Variants in KAZN observed in about 807,000 individuals in gnomAD.
KAZN encodes the protein kazrin.
A neutral mutation model predicts 87.4 loss-of-function variants in KAZN; 40 were observed. That is an observed-to-expected ratio of 0.46 (90% CI 0.36 to 0.60). KAZN has a LOEUF of 0.60. Ranked by LOEUF, KAZN falls within the 20% of genes least tolerant of loss-of-function variation. The pLI, the probability that KAZN is intolerant of heterozygous loss-of-function variation, is 0.00. For missense variants in KAZN, 898 were observed against 1,073.9 expected, an observed-to-expected ratio of 0.84 and a Z score of 2.29; for synonymous variants, 466 against 458.3, an observed-to-expected ratio of 1.02 and a Z score of -0.22.
intron 2 of KAZN, among the ~76,000 whole-genome samples, chr1:14,252,892 G>A (rs768125766): frequency 2.6e-5 from 4 of 152,080 alleles, no homozygotes; most frequent in Non-Finnish European, 5.9e-5. Context: ...TCCACTGTGC[G>A]GTTCCATCAT....
intron 2 of KAZN, among the ~76,000 whole-genome samples, chr1:14,337,762 C>T (rs375641844): frequency 1.6e-4 from 25 of 151,952 alleles, no homozygotes; most frequent in African/African-American, 4.4e-4. Context: ...GGCGTGGTGG[C>T]GCGCATCTGT....
intron 1 of KAZN, among the ~76,000 whole-genome samples, chr1:14,847,678 G>A (rs1648948364): frequency 6.6e-6 from 1 of 152,208 alleles, no homozygotes; most frequent in African/African-American, 2.4e-5. Context: ...AGCATTCCCA[G>A]TGCCTAGGAC....
rs558629954 is a variant in KAZN, at chr1:14,913,772, G to A, written c.227-46912G>A. ...GAGTTGGAGAAGCTAGGAGTCGCTCGGGCTGACGTGCCTGAGTTCTGGTGG... is the reference window on the plus strand; with the variant it reads ...GAGTTGGAGAAGCTAGGAGTCGCTCAGGCTGACGTGCCTGAGTTCTGGTGG... On this transcript the variant is annotated intron_variant, in intron 1 of 14. Transcript: ENST00000376030. Among the ~76,000 whole-genome samples, 14 of 152,344 alleles carry A rather than the reference G, an allele frequency of 9.2e-5. No homozygotes were observed. The East Asian group carries it at 1.9e-3, about 21-fold the overall frequency.
intron 2 of KAZN, among the ~76,000 whole-genome samples, chr1:14,398,469 G>A (rs1663086892): frequency 6.6e-6 from 1 of 152,154 alleles, no homozygotes; most frequent in Non-Finnish European, 1.5e-5. Flanking sequence ...ACAGTGCCTG[G>A]TACACAGCAA....
chr1:14,070,167 C>CAAAAAAAAA (rs61327562), intron 1 of KAZN, among the ~76,000 whole-genome samples: 5 of 72,906 alleles, frequency 6.9e-5, no homozygotes, highest in Middle Eastern at 0.012. Flanking sequence ...GACTCCATCT[C>CAAAAAAAAA]AAAAAAAAAA....
chr1:14,009,673 G>A (rs1640197462), intron 1 of KAZN, among the ~76,000 whole-genome samples: 1 of 152,182 alleles, frequency 6.6e-6, no homozygotes, highest in Admixed American at 6.5e-5. Flanking sequence ...TGGGCAGTCT[G>A]TTCCTGACCA....
intron 2 of KAZN, among the ~76,000 whole-genome samples, chr1:14,417,553 G>A (rs1220714080): frequency 6.6e-6 from 1 of 152,152 alleles, no homozygotes; most frequent in Non-Finnish European, 1.5e-5. Context: ...AAGTGAGACT[G>A]GGATATTGGC....
chr1:14,828,064 C>A (rs1377514960), intron 1 of KAZN, among the ~76,000 whole-genome samples: 2 of 152,246 alleles, frequency 1.3e-5, no homozygotes, highest in Non-Finnish European at 2.9e-5. Context: ...TCAGCCCTCC[C>A]CTGCCTGTGG....
At chr1:14,732,455 A>G (rs941063584) in intron 1 of KAZN, among the ~76,000 whole-genome samples, 3 of 152,148 alleles carry the variant, frequency 2.0e-5, no homozygotes, top group African/African-American at 7.2e-5. Context: ...CCGGGCCAAT[A>G]TGGTGAAACC....
At chr1:13,936,096 G>GTTTTTTTTTGT (rs1640727317) in intron 1 of KAZN, among the ~76,000 whole-genome samples, 2 of 84,846 alleles carry the variant, frequency 2.4e-5, no homozygotes, top group Non-Finnish European at 4.4e-5. Flanking sequence ...TACAAGTGCA[G>GTTTTTTTTTGT]TTTTTTTTTT....
chr1:14,772,525 GA>G (rs35991159), intron 1 of KAZN, among the ~76,000 whole-genome samples: 99,942 of 145,734 alleles, frequency 0.69, 34,905 homozygotes, highest in Middle Eastern at 0.85. Context: ...AATAGATTGA[GA>G]AAAAAAAAAA....
At chr1:14,359,777 G>A (rs1210725919) in intron 2 of KAZN, among the ~76,000 whole-genome samples, 1 of 152,190 alleles carries the variant, frequency 6.6e-6, no homozygotes, top group African/African-American at 2.4e-5. Flanking sequence ...ACTCTCTTCT[G>A]GCTTGTAGGG....
chr1:14,185,823 T>A (rs767492393), intron 2 of KAZN, among the ~76,000 whole-genome samples: 3 of 152,128 alleles, frequency 2.0e-5, no homozygotes, highest in Admixed American at 1.3e-4. Context: ...GTGTCTAGGG[T>A]TTTTTTAAAT....
chr1:15,038,716 A>G (rs985851006), intron 3 of KAZN, among the ~76,000 whole-genome samples: 2 of 152,164 alleles, frequency 1.3e-5, no homozygotes, highest in Non-Finnish European at 2.9e-5. Context: ...CACCTACTGT[A>G]TAAGGCATGA....
chr1:14,232,216 C>A (rs1441717659), intron 2 of KAZN, among the ~76,000 whole-genome samples: 1 of 152,044 alleles, frequency 6.6e-6, no homozygotes, highest in East Asian at 1.9e-4. Flanking sequence ...TAGTCAAAAG[C>A]AAAGAAACAA....
At chr1:14,124,277 G>A (rs1392446940) in intron 1 of KAZN, 1 of 152,298 alleles carries the variant, frequency 6.6e-6, no homozygotes, top group East Asian at 1.9e-4. Context: ...TTCTTACACG[G>A]GGGCTGTGCT....
chr1:14,855,072 G>C (rs1649926378), intron 1 of KAZN, among the ~76,000 whole-genome samples: 1 of 152,108 alleles, frequency 6.6e-6, no homozygotes, highest in Admixed American at 6.5e-5. Flanking sequence ...GAGGTGGGTG[G>C]AAGGAGGGAC....
intron 1 of KAZN, among the ~76,000 whole-genome samples, chr1:14,808,015 C>T (rs922593861): frequency 3.9e-5 from 6 of 152,146 alleles, no homozygotes; most frequent in African/African-American, 9.7e-5. Flanking sequence ...CCATTGTGCT[C>T]AGTTCTTTAG....
chr1:14,694,395 A>G (rs1013521291), intron 1 of KAZN, among the ~76,000 whole-genome samples: 1 of 152,244 alleles, frequency 6.6e-6, no homozygotes, highest in Non-Finnish European at 1.5e-5. Context: ...AGGCATGCTG[A>G]AGAATCCAGG....
Sources: allele counts gnomAD v4.1 joint callset (sites outside exome capture counted in the v4.1 genomes callset), GRCh38; gene constraint gnomAD v4.1.1; transcripts MANE v1.5; gene names NCBI Gene and HGNC (gene_info 2026-07-23, HGNC 2026-07-21).